The following LGSN variants were observed in gnomAD, a reference collection of about 807,000 sequenced individuals.
LGSN encodes lengsin, lens protein with glutamine synthetase domain.
LGSN carries 21 observed loss-of-function variants against 19.5 expected under a neutral mutation model. The observed-to-expected ratio is 1.07, with a 90% CI of 0.76 to 1.55. The LOEUF (loss-of-function observed/expected upper bound fraction) is 1.55, where lower values mean the gene tolerates loss of function less well. Among genes scored for constraint, LGSN ranks in the 40% most tolerant of loss-of-function variants. The pLI is 0.00. For synonymous variants in LGSN, 257 were observed against 215.6 expected, an observed-to-expected ratio of 1.19 and a Z score of -1.68; for missense variants, 673 against 608.5, an observed-to-expected ratio of 1.11 and a Z score of -1.12.
chr6:63,400,786 GAGTT>G, the LGSN span, among the ~76,000 whole-genome samples: 1 of 152,214 alleles, frequency 6.6e-6, no homozygotes. Context: ...CTCAGGTCAG[GAGTT>G]TGAGACCAGC....
chr6:63,288,501 T>C (rs1767636445), intron 2 of LGSN, among the ~76,000 whole-genome samples: 1 of 151,876 alleles, frequency 6.6e-6, no homozygotes, highest in South Asian at 2.1e-4. Flanking sequence ...GTATTAATTG[T>C]ATGAAACTTG....
chr6:63,296,175 A>G (rs1767971224), intron 1 of LGSN, among the ~76,000 whole-genome samples: 1 of 152,150 alleles, frequency 6.6e-6, no homozygotes, highest in Non-Finnish European at 1.5e-5. Flanking sequence ...TATTATTGTT[A>G]TATTAACAAA....
At chr6:63,462,794 G>A in the LGSN span, among the ~76,000 whole-genome samples, 1 of 31,122 alleles carries the variant, frequency 3.2e-5, no homozygotes, top group Non-Finnish European at 8.0e-5. Context: ...ATCTTGCTTC[G>A]TCTACATAAT....
At chr6:63,449,116 G>A in the LGSN span, among the ~76,000 whole-genome samples, 1 of 152,068 alleles carries the variant, frequency 6.6e-6, no homozygotes, top group African/African-American at 2.4e-5. Flanking sequence ...GCAGGATTGC[G>A]GATAGGTCCT....
chr6:63,522,095 CT>C, the LGSN span, among the ~76,000 whole-genome samples: 3 of 152,090 alleles, frequency 2.0e-5, no homozygotes, highest in African/African-American at 7.2e-5. Flanking sequence ...TTGGTAGAAC[CT>C]TTTGTTAATA....
At chr6:63,508,926 G>GA in the LGSN span, among the ~76,000 whole-genome samples, 170 of 117,892 alleles carry the variant, frequency 1.4e-3, 1 homozygote, top group East Asian at 0.021. Flanking sequence ...TCTCAAAAAA[G>GA]AAAAAAAAAA....
chr6:63,493,151 C>A, the LGSN span, among the ~76,000 whole-genome samples: 13 of 152,284 alleles, frequency 8.5e-5, no homozygotes, highest in African/African-American at 3.1e-4. Context: ...TCCTGAATGT[C>A]TGCTTTGGTT....
the LGSN span, among the ~76,000 whole-genome samples, chr6:63,352,173 C>G: frequency 6.6e-6 from 1 of 152,210 alleles, no homozygotes; most frequent in African/African-American, 2.4e-5. Context: ...AACATCTACA[C>G]AGACTTGTTT....
At chr6:63,551,372 G>A in the LGSN span, among the ~76,000 whole-genome samples, 4 of 151,952 alleles carry the variant, frequency 2.6e-5, no homozygotes, top group African/African-American at 9.7e-5. Flanking sequence ...AGCCGCTGTG[G>A]GTAATTTGGG....
chr6:63,412,349 AG>A, the LGSN span, among the ~76,000 whole-genome samples: 2 of 150,488 alleles, frequency 1.3e-5, no homozygotes, highest in African/African-American at 4.9e-5. Context: ...CCTGGGCAAC[AG>A]AGCAAGACTC....
chr6:63,404,594 C>T, the LGSN span, among the ~76,000 whole-genome samples: 5 of 151,974 alleles, frequency 3.3e-5, no homozygotes, highest in Non-Finnish European at 7.4e-5. Flanking sequence ...GACATCTTCT[C>T]CCTGGAACTT....
At chr6:63,403,165 G>C in the LGSN span, among the ~76,000 whole-genome samples, 1 of 152,028 alleles carries the variant, frequency 6.6e-6, no homozygotes, top group Non-Finnish European at 1.5e-5. Context: ...ATCTAATATA[G>C]GTGATAAATA....
In LGSN at chr6:63,280,992, T is replaced by C. The variant is rs1767286261; in HGVS notation, c.559A>G (p.Ile187Val). The C allele has an allele frequency of 1.9e-6, 3 of 1,614,000 alleles. No homozygotes were observed. The highest frequency in any genetic ancestry group is 1.3e-5 in the African/African-American group (1 of 74,908). ...AGATGGCTCAGCTGCCTCTTTGCAATGTACCTTGGGGAAGTCAAAAGAGGC... is the reference window on the plus strand; with the variant it reads ...AGATGGCTCAGCTGCCTCTTTGCAACGTACCTTGGGGAAGTCAAAAGAGGC... ...GEPLLTSPRY[I>V]AKRQLSHLQA... is the part of the protein sequence containing the mutation. The change falls in exon 4 of 4, where the codon ATT becomes GTT. Residue 187 changes from isoleucine to valine, a missense_variant. Coordinates refer to ENST00000370657, the MANE Select transcript of LGSN (RefSeq NM_016571.3).
At chr6:63,439,097 C>T in the LGSN span, among the ~76,000 whole-genome samples, 3 of 152,002 alleles carry the variant, frequency 2.0e-5, no homozygotes, top group East Asian at 5.8e-4. Flanking sequence ...AGTAAACTAT[C>T]GCAAGAACAA....
the LGSN span, among the ~76,000 whole-genome samples, chr6:63,390,700 C>T: frequency 6.7e-6 from 1 of 148,824 alleles, no homozygotes; most frequent in Admixed American, 6.7e-5. Context: ...ACTAAAAATA[C>T]AAAAAAAAAG....
chr6:63,505,903 C>G, the LGSN span, among the ~76,000 whole-genome samples: 1 of 152,262 alleles, frequency 6.6e-6, no homozygotes. Context: ...TCCACCTCAT[C>G]CTCCCAAAGT....
At chr6:63,323,560 A>G (rs1243157667), upstream of LGSN, among the ~76,000 whole-genome samples, 1 of 9,946 alleles carries the variant, frequency 1.0e-4, no homozygotes, top group Admixed American at 1.4e-3. Flanking sequence ...AACCTCATAT[A>G]CACACACACA....
At chr6:63,508,298 TA>T in the LGSN span, among the ~76,000 whole-genome samples, 24 of 152,358 alleles carry the variant, frequency 1.6e-4, no homozygotes, top group South Asian at 4.3e-3. Context: ...GTTATAGAGA[TA>T]GCCAGATGGC....
the LGSN span, among the ~76,000 whole-genome samples, chr6:63,438,487 T>C: frequency 3.3e-5 from 5 of 151,872 alleles, no homozygotes; most frequent in Non-Finnish European, 7.4e-5. Flanking sequence ...GAATCTACAA[T>C]GAACTCAAAC....
Sources: allele counts gnomAD v4.1 joint callset (sites outside exome capture counted in the v4.1 genomes callset), GRCh38; gene constraint gnomAD v4.1.1; transcripts MANE v1.5; gene names NCBI Gene and HGNC (gene_info 2026-07-23, HGNC 2026-07-21).